Variants in NCOA7 observed in about 807,000 individuals in gnomAD.
NCOA7 encodes nuclear receptor coactivator 7.
A neutral mutation model predicts 104.3 loss-of-function variants in NCOA7; 45 were observed. The ratio of observed to expected loss-of-function variants is 0.43; its 90% CI spans 0.34 to 0.55. The LOEUF (loss-of-function observed/expected upper bound fraction) is 0.55. NCOA7 is among the 20% of genes least tolerant of loss of function. The probability of loss-of-function intolerance (pLI) is 0.02; values close to 1 mark genes in which losing one functional copy is unlikely to be tolerated. For synonymous variants in NCOA7, 398 were observed against 402.3 expected (o/e 0.99, Z 0.13); for missense variants, 1,041 against 1,119.7 (o/e 0.93, Z 1.00).
intron 2 of NCOA7, among the ~76,000 whole-genome samples, chr6:125,831,330 G>A (rs1395256398): frequency 6.6e-6 from 1 of 152,106 alleles, no homozygotes; most frequent in Non-Finnish European, 1.5e-5. Context: ...ACTCATTTTA[G>A]TGTACCTATA....
At chr6:125,805,696 G>A (rs893854024) in intron 1 of NCOA7, among the ~76,000 whole-genome samples, 3 of 152,208 alleles carry the variant, frequency 2.0e-5, no homozygotes, top group Non-Finnish European at 4.4e-5. Context: ...GGTGCATATG[G>A]TTAATGTTCA....
At chr6:125,904,443 T>C (rs554799245) in intron 10 of NCOA7, among the ~76,000 whole-genome samples, 1 of 152,312 alleles carries the variant, frequency 6.6e-6, no homozygotes, top group African/African-American at 2.4e-5. Context: ...ATTGTCCTCC[T>C]TTTGCTCTGC....
intron 1 of NCOA7, among the ~76,000 whole-genome samples, chr6:125,785,808 G>A (rs1469243545): frequency 2.0e-5 from 3 of 152,128 alleles, no homozygotes; most frequent in Admixed American, 1.3e-4. Context: ...AAAATTTATT[G>A]GGCTAACTCT....
At chr6:125,892,241 G>A (rs1253975853) in intron 10 of NCOA7, among the ~76,000 whole-genome samples, 3 of 151,844 alleles carry the variant, frequency 2.0e-5, no homozygotes, top group Non-Finnish European at 4.4e-5. Context: ...TTTTTCAATT[G>A]TGTTATCTTT....
rs781175424 is a variant in NCOA7 at position 125,889,341 on chromosome 6, A to T, written c.1287A>T (p.Gly429=). ...AACTTTCTTCTCAAACTGGTGGTGG[A>T]ATGCACAAAAAAGACACCTTGAAGG... ...LEELSSQTGG[G]MHKKDTLKEC... The change falls in exon 9 of 16, where the codon GGA becomes GGT. Residue 429 remains glycine, a synonymous_variant. Transcript: ENST00000392477. 8 of 1,614,020 alleles carry T rather than the reference A, an allele frequency of 5.0e-6. No individual in the cohort carries two copies. Among genetic ancestry groups the T allele is most frequent in the Non-Finnish European group, 8.5e-7 (1 of 1,180,002 alleles).
At chr6:125,851,283 A>G (rs764768115) in intron 2 of NCOA7, among the ~76,000 whole-genome samples, 1 of 152,092 alleles carries the variant, frequency 6.6e-6, no homozygotes, top group Non-Finnish European at 1.5e-5. Context: ...CCTCTGGTCC[A>G]TTATCATACT....
chr6:125,921,115 A>T (rs773306837), intron 12 of NCOA7, 47 bp downstream of exon 12: 1 of 1,595,782 alleles, frequency 6.3e-7, no homozygotes, highest in Non-Finnish European at 8.6e-7. Context: ...AGGCTTTAAG[A>T]AATATTTCCC....
chr6:125,921,303 A>G (rs973168979), intron 12 of NCOA7, among the ~76,000 whole-genome samples: 2 of 152,114 alleles, frequency 1.3e-5, no homozygotes, highest in Non-Finnish European at 2.9e-5. Flanking sequence ...CCAGCTACTC[A>G]GGAGGCTGAG....
At chr6:125,905,648 A>G (rs1785932542) in intron 10 of NCOA7, among the ~76,000 whole-genome samples, 1 of 152,232 alleles carries the variant, frequency 6.6e-6, no homozygotes, top group African/African-American at 2.4e-5. Context: ...AAAGGTGAAC[A>G]AAATCAGAAT....
At chr6:125,796,913 T>C (rs1204457865) in intron 1 of NCOA7, 1 of 152,290 alleles carries the variant, frequency 6.6e-6, no homozygotes, top group African/African-American at 2.4e-5. Context: ...GTTGGTTGAT[T>C]CCATGGATGC....
chr6:125,873,569 C>T (rs1783109723), intron 3 of NCOA7, among the ~76,000 whole-genome samples: 1 of 152,218 alleles, frequency 6.6e-6, no homozygotes, highest in South Asian at 2.1e-4. Flanking sequence ...TACCCTCTAG[C>T]TCCCCATTGC....
chr6:125,849,419 C>T (rs1460764293), intron 2 of NCOA7, among the ~76,000 whole-genome samples: 1 of 152,130 alleles, frequency 6.6e-6, no homozygotes, highest in Non-Finnish European at 1.5e-5. Flanking sequence ...GCCACATTGC[C>T]TCATTCTTCT....
intron 2 of NCOA7, among the ~76,000 whole-genome samples, chr6:125,828,469 T>C (rs1000968273): frequency 1.3e-5 from 2 of 152,152 alleles, no homozygotes; most frequent in Non-Finnish European, 2.9e-5. Flanking sequence ...CTAATTCTTT[T>C]GGGAAATCGG....
chr6:125,890,546 TAA>T (rs1222408352), intron 9 of NCOA7, 94 bp from the exon 10 acceptor site: 29 of 1,214,088 alleles, frequency 2.4e-5, no homozygotes, highest in Non-Finnish European at 3.3e-5. Flanking sequence ...ATGTTTTGAC[TAA>T]GAGAGGATTG....
In NCOA7 at chr6:125,915,417, G is replaced by A. The variant is rs748435250; in HGVS notation, c.2181G>A (p.Val727=). ...CCAAAGAGCAAGGCTTTGTGGTGGT[G>A]GAGAAGGAAGAACTGAACATGATTG... is the stretch of plus-strand genomic sequence containing the variant. ...KDAKEQGFVV[V]EKEELNMIDN... Residue 727 remains valine (V), a synonymous_variant, in exon 11 of 16, where the codon GTG becomes GTA. Coordinates refer to ENST00000392477, the MANE Select transcript of NCOA7 (RefSeq NM_181782.5). 2.5e-6 allele frequency: 4 copies of A among 1,613,894 alleles called. No homozygotes were observed. Among genetic ancestry groups the A allele is most frequent in the Admixed American group, 1.7e-5 (1 of 59,992 alleles).
chr6:125,793,086 A>G (rs1775001444), intron 1 of NCOA7, among the ~76,000 whole-genome samples: 1 of 152,226 alleles, frequency 6.6e-6, no homozygotes, highest in African/African-American at 2.4e-5. Context: ...TAGATGGATA[A>G]GGAAATAAAA....
chr6:125,781,985 G>T (rs1186406620), intron 1 of NCOA7, among the ~76,000 whole-genome samples: 2 of 152,118 alleles, frequency 1.3e-5, no homozygotes, highest in Non-Finnish European at 2.9e-5. Flanking sequence ...GCAATTTGTG[G>T]CTATTAGGCA....
intron 3 of NCOA7, among the ~76,000 whole-genome samples, chr6:125,869,822 A>C (rs1315913423): frequency 6.6e-6 from 1 of 152,202 alleles, no homozygotes; most frequent in Non-Finnish European, 1.5e-5. Context: ...AAGGCAAGGG[A>C]ACCAGTCCTC....
At chr6:125,923,396 G>A (rs1371571774) in intron 13 of NCOA7, among the ~76,000 whole-genome samples, 1 of 152,176 alleles carries the variant, frequency 6.6e-6, no homozygotes, top group Non-Finnish European at 1.5e-5. Flanking sequence ...GTTACAGTTG[G>A]TCTTTCTTGG....
Sources: gnomAD v4.1 joint callset for allele counts (sites outside exome capture counted in the v4.1 genomes callset) on GRCh38, gnomAD v4.1.1 for gene constraint, MANE v1.5 for transcripts, NCBI Gene and HGNC (gene_info 2026-07-23, HGNC 2026-07-21) for gene names.